PYROXD1: variants seen among roughly 807,000 people sequenced by gnomAD.
PYROXD1 encodes pyridine nucleotide-disulphide oxidoreductase domain 1.
A neutral mutation model predicts 62.0 loss-of-function variants in PYROXD1; 42 were observed. The ratio of observed to expected loss-of-function variants is 0.68; its 90% CI spans 0.53 to 0.88. The LOEUF is 0.88. PYROXD1 is among the 40% of genes least tolerant of loss of function. The pLI, the probability that PYROXD1 is intolerant of heterozygous loss-of-function variation, is 0.00. For missense variants in PYROXD1, 493 were observed against 604.8 expected (o/e 0.82, Z 1.94); for synonymous variants, 170 against 206.4 (o/e 0.82, Z 1.51).
intron 10 of PYROXD1, 37 bp downstream of exon 10, chr12:21,462,899 G>A (rs373577376): frequency 1.4e-4 from 215 of 1,572,960 alleles, no homozygotes; most frequent in Non-Finnish European, 1.8e-4. Context: ...TTTCATCAGA[G>A]ATTCTGTCTG....
chr12:21,466,024 A>G lies in PYROXD1; in HGVS notation c.1117-1457A>G, dbSNP rs183960786. Among the ~76,000 whole-genome samples, 28 of 152,242 alleles carry G rather than the reference A, an allele frequency of 1.8e-4. No individual in the cohort carries two copies. The East Asian group carries it at 4.1e-3, about 22-fold the overall frequency. On this transcript the variant is annotated intron_variant, in intron 10 of 11. Transcript: ENST00000240651. ...GGGTTCTGTTCTGCTCGATTGGTCT[A>G]TATCTCTGTTTTGGTACCAGTACCA...
intron 10 of PYROXD1, among the ~76,000 whole-genome samples, chr12:21,465,641 C>T (rs1305271838): frequency 6.6e-6 from 1 of 151,778 alleles, no homozygotes; most frequent in Non-Finnish European, 1.5e-5. Flanking sequence ...ATGGTGGTTT[C>T]TTTTACTGTG....
chr12:21,443,142 A>T (rs17682057), intron 2 of PYROXD1, among the ~76,000 whole-genome samples: 4,885 of 152,254 alleles, frequency 0.032, 113 homozygotes, highest in Middle Eastern at 0.068. Context: ...GAGTTATTTT[A>T]AAAAAGCTCG....
chr12:21,441,758 A>G (rs1010675491), intron 2 of PYROXD1, among the ~76,000 whole-genome samples: 4 of 151,948 alleles, frequency 2.6e-5, no homozygotes, highest in Non-Finnish European at 4.4e-5. Context: ...CAGTTCTGAC[A>G]TTTGTGTTCT....
intron 5 of PYROXD1, chr12:21,454,800 T>A (rs1942565597): frequency 6.2e-6 from 1 of 161,842 alleles, no homozygotes; most frequent in Non-Finnish European, 1.3e-5. Context: ...AAGCACTGCT[T>A]ACCCCTGGGG....
At chr12:21,453,499 C>T (rs1456486196) in intron 5 of PYROXD1, among the ~76,000 whole-genome samples, 1 of 128,560 alleles carries the variant, frequency 7.8e-6, no homozygotes. Context: ...CAGTTATTAT[C>T]TGTTTTCTCC....
At chr12:21,453,465 A>G (rs761245586) in intron 5 of PYROXD1, among the ~76,000 whole-genome samples, 2 of 151,746 alleles carry the variant, frequency 1.3e-5, no homozygotes, top group Non-Finnish European at 2.9e-5. Flanking sequence ...ACTAATACTA[A>G]TGTTCTTCAT....
chr12:21,446,886 G>A (rs1380166290), intron 3 of PYROXD1, among the ~76,000 whole-genome samples: 1 of 152,176 alleles, frequency 6.6e-6, no homozygotes, highest in Non-Finnish European at 1.5e-5. Context: ...CTGCACTCCA[G>A]CCTGGGCAAC....
At position 21,455,278 on chromosome 12, in the gene PYROXD1, G is replaced by T. The variant is rs764980788; in HGVS notation, c.635G>T (p.Arg212Ile). ...SEAKIAHKRT[R>I]YTTEGRKKEA... ...GCTAAAATTGCACATAAAAGAACCA[G>T]ATATACAACTGAAGGTAAGTGTAGC... The change falls in exon 6 of 12, where the codon AGA (arginine) becomes ATA (isoleucine). Residue 212 changes from arginine to isoleucine, a missense_variant. By Grantham distance (97) the Arg-to-Ile change is moderately conservative (BLOSUM62 -3). Coordinates refer to ENST00000240651, the MANE Select transcript of PYROXD1 (RefSeq NM_024854.5). 3.1e-5 allele frequency: 48 copies of T among 1,554,072 alleles called. No individual in the cohort carries two copies. The highest frequency in any genetic ancestry group is 4.0e-5 in the Non-Finnish European group (46 of 1,151,068).
intron 2 of PYROXD1, among the ~76,000 whole-genome samples, chr12:21,441,922 G>A (rs2137241014): frequency 6.6e-6 from 1 of 152,348 alleles, no homozygotes; most frequent in East Asian, 1.9e-4. Context: ...TAGATGGGAT[G>A]TAGCAGTTCT....
intron 7 of PYROXD1, chr12:21,460,778 A>T (rs965151138): frequency 7.9e-6 from 2 of 253,668 alleles, no homozygotes; most frequent in Admixed American, 1.1e-4. Context: ...GCCTAGGCTA[A>T]AAAGCATTCC....
intron 7 of PYROXD1, among the ~76,000 whole-genome samples, chr12:21,459,173 C>A (rs992867915): frequency 3.9e-5 from 6 of 152,146 alleles, no homozygotes; most frequent in African/African-American, 1.4e-4. Context: ...AAGACCAAGA[C>A]ATGATTAGAG....
intron 10 of PYROXD1, among the ~76,000 whole-genome samples, chr12:21,465,826 C>T (rs1942783323): frequency 6.6e-6 from 1 of 152,090 alleles, no homozygotes. Context: ...TTTAATCCAT[C>T]TTGAATTAAT....
At chr12:21,458,620 T>G (rs529710097) in intron 7 of PYROXD1, among the ~76,000 whole-genome samples, 1 of 152,174 alleles carries the variant, frequency 6.6e-6, no homozygotes, top group Non-Finnish European at 1.5e-5. Context: ...ACTTGAACAC[T>G]TAGAGGCCAC....
chr12:21,451,455 T>G (rs1942496880), intron 4 of PYROXD1, among the ~76,000 whole-genome samples: 3 of 152,084 alleles, frequency 2.0e-5, no homozygotes, highest in Admixed American at 1.3e-4. Flanking sequence ...ATTTTTTTTT[T>G]TAGTAGAAGT....
At chr12:21,463,489 G>A (rs564111642) in intron 10 of PYROXD1, among the ~76,000 whole-genome samples, 1 of 152,190 alleles carries the variant, frequency 6.6e-6, no homozygotes, top group Admixed American at 6.5e-5. Context: ...TTAGGAGTTT[G>A]AGACCAGCCT....
At chr12:21,461,710 A>G in intron 8 of PYROXD1, among the ~76,000 whole-genome samples, 1 of 152,352 alleles carries the variant, frequency 6.6e-6, no homozygotes, top group Middle Eastern at 3.4e-3. Context: ...AAAGATTTTT[A>G]GAGAAATAAT....
At chr12:21,446,395 A>C (rs1487654455) in intron 3 of PYROXD1, among the ~76,000 whole-genome samples, 1 of 152,168 alleles carries the variant, frequency 6.6e-6, no homozygotes, top group African/African-American at 2.4e-5. Context: ...ACTGCACTCC[A>C]GCCTGGGCGA....
chr12:21,455,110 G>A, intron 5 of PYROXD1, 22 bp from the exon 6 acceptor site: 2 of 1,348,138 alleles, frequency 1.5e-6, no homozygotes, highest in East Asian at 2.7e-5. Context: ...ATCACTCTTA[G>A]TAACTTTAAC....
Sources: allele counts gnomAD v4.1 joint callset (sites outside exome capture counted in the v4.1 genomes callset), GRCh38; gene constraint gnomAD v4.1.1; transcripts MANE v1.5; gene names NCBI Gene and HGNC (gene_info 2026-07-23, HGNC 2026-07-21).